PPP4R3A: variants seen among roughly 807,000 people sequenced by gnomAD.
PPP4R3A encodes the protein serine/threonine-protein phosphatase 4 regulatory subunit 3A.
Under a neutral mutation model 91.7 loss-of-function variants are expected in PPP4R3A, and 15 were observed. The ratio of observed to expected loss-of-function variants is 0.16; its 90% CI spans 0.11 to 0.25. The LOEUF (loss-of-function observed/expected upper bound fraction) is 0.25, where lower values mean the gene tolerates loss of function less well. Ranked by LOEUF, PPP4R3A falls within the 10% of genes least tolerant of loss-of-function variation. The pLI is 1.00. For missense variants in PPP4R3A, 623 were observed against 998.4 expected (o/e 0.62, Z 5.07); for synonymous variants, 377 against 348.7 (o/e 1.08, Z -0.91).
chr14:91,464,114 G>T (rs1389206358), intron 11 of PPP4R3A, among the ~76,000 whole-genome samples: 3 of 152,172 alleles, frequency 2.0e-5, no homozygotes, highest in African/African-American at 7.2e-5. Flanking sequence ...CCTGAGGTCA[G>T]GAGGTTGAGA....
At position 91,465,366 on chromosome 14, in the gene PPP4R3A, G is replaced by A. The variant is rs1400363234; in HGVS notation, c.1714C>T (p.Arg572Cys). ...AACAAAAAACTTTTCATTATGTAGC[G>A]GTTGTAAAACTCATCTTTTAATCCA... ...IIGLKDEFYNRYIMKSFLFEP... is the reference protein window; with the variant it reads ...IIGLKDEFYNCYIMKSFLFEP... The change falls in exon 11 of 15, where the codon CGC (arginine) becomes TGC (cysteine). Residue 572 changes from arginine to cysteine, a missense_variant. By Grantham distance (180) the Arg-to-Cys change is radical. Transcript: ENST00000554943. The A allele has an allele frequency of 6.2e-6, 10 of 1,605,146 alleles. No individual in the cohort carries two copies. The highest frequency in any genetic ancestry group is 7.6e-6 in the Non-Finnish European group (9 of 1,177,568).
At chr14:91,474,141 TA>T (rs1056449917) in intron 7 of PPP4R3A, among the ~76,000 whole-genome samples, 46 of 152,200 alleles carry the variant, frequency 3.0e-4, no homozygotes, top group African/African-American at 1.0e-3. Flanking sequence ...AAAAGTGATA[TA>T]AAATTTCCTT....
chr14:91,491,103 C>A, intron 1 of PPP4R3A, among the ~76,000 whole-genome samples: 1 of 151,908 alleles, frequency 6.6e-6, no homozygotes, highest in East Asian at 1.9e-4. Context: ...GACGGGGTTT[C>A]ACCATGTTGG....
intron 9 of PPP4R3A, 144 bp downstream of exon 9, chr14:91,472,889 T>C: frequency 1.4e-6 from 1 of 700,528 alleles, no homozygotes; most frequent in Non-Finnish European, 2.4e-6. Flanking sequence ...TGGTTTGAAC[T>C]TTTAAAGACT....
At position 91,458,806 on chromosome 14, in the gene PPP4R3A, TATCTTCATCCTC is replaced by T; in HGVS notation, c.2443_2454del (p.Glu815_Asp818del). 6.2e-7 allele frequency: 1 copy of T among 1,614,120 alleles called. No individual in the cohort carries two copies. Among genetic ancestry groups the T allele is most frequent in the Non-Finnish European group, 8.5e-7 (1 of 1,179,992 alleles). On this transcript the variant is annotated inframe_deletion, in exon 15 of 15. Coordinates refer to ENST00000554943, the MANE Select transcript of PPP4R3A (RefSeq NM_001366432.2). ...TTTGACAATGGTAACGTATCTTCCT[TATCTTCATCCTC>T]ATCATCATCTTCATCATCATCAGGA...
At chr14:91,463,485 A>G (rs1258367228) in intron 11 of PPP4R3A, among the ~76,000 whole-genome samples, 3 of 151,740 alleles carry the variant, frequency 2.0e-5, no homozygotes, top group Non-Finnish European at 4.4e-5. Flanking sequence ...CTAGGTTGAG[A>G]TATAGTGGTA....
intron 4 of PPP4R3A, among the ~76,000 whole-genome samples, chr14:91,480,438 G>A (rs995795233): frequency 7.2e-5 from 11 of 152,130 alleles, no homozygotes; most frequent in Non-Finnish European, 4.4e-5. Flanking sequence ...TTAGCAAAAC[G>A]TGGCTTTTGG....
At position 91,505,945 on chromosome 14, in the gene PPP4R3A, G is replaced by GA. The variant is rs1003714245; in HGVS notation, c.142+3560dup. Among the ~76,000 whole-genome samples, 858 of 137,116 alleles carry GA rather than the reference G, an allele frequency of 6.3e-3. 6 individuals are homozygous for GA. The highest frequency in any genetic ancestry group is 0.022 in the African/African-American group (807 of 36,528). 90.0% of individuals were successfully genotyped at this position (137,116 alleles called of 152,430 possible). A position where few individuals can be genotyped will look rare whatever the true frequency, so the allele number is the denominator to read the frequency against. On this transcript the variant is annotated intron_variant, in intron 1 of 14. Coordinates refer to ENST00000554943, the MANE Select transcript of PPP4R3A (RefSeq NM_001366432.2). ...TAAAGCTTGTAGATAAACTATAATT[G>GA]AAATTTTTTTTTTTTTTGAGACGGA...
At chr14:91,484,541 A>G (rs939417139) in intron 3 of PPP4R3A, among the ~76,000 whole-genome samples, 3 of 152,212 alleles carry the variant, frequency 2.0e-5, no homozygotes, top group Non-Finnish European at 4.4e-5. Context: ...AAAGCCTTAA[A>G]TATTTACTAT....
In PPP4R3A at chr14:91,509,703, C is replaced by A. The variant is rs779631779; in HGVS notation, c.-56G>T. The A allele has an allele frequency of 4.5e-6, 7 of 1,561,476 alleles. No homozygotes were observed. The highest frequency in any genetic ancestry group is 6.0e-6 in the Non-Finnish European group (7 of 1,161,702). Reference sequence around the variant, plus strand: ...CGCCAGTAGACGCCCAGGAAAGGGGCCCTGGAGAGGCGAGGGGCGAGGCGT... The same window carrying A: ...CGCCAGTAGACGCCCAGGAAAGGGGACCTGGAGAGGCGAGGGGCGAGGCGT... On this transcript the variant is annotated 5_prime_UTR_variant, in exon 1 of 15. Transcript: ENST00000554943.
chr14:91,504,861 A>G lies in PPP4R3A; in HGVS notation c.142+4645T>C, dbSNP rs527301153. Among the ~76,000 whole-genome samples, 210 of 152,262 alleles carry G rather than the reference A, an allele frequency of 1.4e-3. 2 individuals are homozygous for G. The highest frequency in any genetic ancestry group is 2.4e-3 in the Non-Finnish European group (162 of 68,018). Reference sequence around the variant, plus strand: ...TTCCATTTAGAAATTCTCTTCTGTGATTTTTAGACGAGCATATAAGCTCCC... The same window carrying G: ...TTCCATTTAGAAATTCTCTTCTGTGGTTTTTAGACGAGCATATAAGCTCCC... On this transcript the variant is annotated intron_variant, in intron 1 of 14. Transcript: ENST00000554943.
intron 1 of PPP4R3A, among the ~76,000 whole-genome samples, chr14:91,507,892 C>T (rs971801874): frequency 4.0e-5 from 6 of 151,866 alleles, no homozygotes; most frequent in East Asian, 1.9e-4. Flanking sequence ...GAGGCCGAGG[C>T]GGGTGGACTG....
At chr14:91,502,854 T>TA (rs1481936172) in intron 1 of PPP4R3A, among the ~76,000 whole-genome samples, 2 of 152,240 alleles carry the variant, frequency 1.3e-5, no homozygotes, top group East Asian at 3.8e-4. Flanking sequence ...AAATTCAAGG[T>TA]AAAAACTCAA....
At chr14:91,506,374 T>C (rs1454464995) in intron 1 of PPP4R3A, among the ~76,000 whole-genome samples, 9 of 152,196 alleles carry the variant, frequency 5.9e-5, no homozygotes. Flanking sequence ...AATCAGACAC[T>C]GTTGTAAGAA....
intron 2 of PPP4R3A, among the ~76,000 whole-genome samples, chr14:91,487,919 C>T (rs1290021309): frequency 6.6e-6 from 1 of 152,160 alleles, no homozygotes; most frequent in Admixed American, 6.5e-5. Flanking sequence ...TGCCATGTTG[C>T]CCAGGCTGGT....
rs546876776 is a variant in PPP4R3A at position 91,489,930 on chromosome 14, C to T, written c.198+817G>A. On this transcript the variant is annotated intron_variant, in intron 2 of 14. Transcript: ENST00000554943. ...AACAAGTCACGACCTTTACGCATCA[C>T]CCAATGGGAAAAATAAAAACAATAC... Among the ~76,000 whole-genome samples the T allele has an allele frequency of 1.7e-4, 26 of 152,268 alleles. No homozygotes were observed. In the South Asian group the frequency reaches 5.0e-3, roughly 29 times the overall value.
intron 4 of PPP4R3A, among the ~76,000 whole-genome samples, chr14:91,479,227 C>T (rs2140107823): frequency 6.6e-6 from 1 of 152,092 alleles, no homozygotes; most frequent in East Asian, 1.9e-4. Flanking sequence ...AAGTGATCCA[C>T]CCACCTCAGT....
At chr14:91,477,112 T>A in intron 4 of PPP4R3A, 126 bp from the exon 5 acceptor site, 6 of 422,014 alleles carry the variant, frequency 1.4e-5, no homozygotes, top group South Asian at 4.6e-5. Flanking sequence ...AATGCTGTCT[T>A]TTTTTTTTTT....
intron 14 of PPP4R3A, 65 bp downstream of exon 14, chr14:91,461,316 C>T (rs1431393270): frequency 1.4e-6 from 2 of 1,473,844 alleles, no homozygotes; most frequent in African/African-American, 2.8e-5. Flanking sequence ...GAATCTTAGT[C>T]AAAATTATTG....
Sources: allele counts gnomAD v4.1 joint callset (sites outside exome capture counted in the v4.1 genomes callset), GRCh38; gene constraint gnomAD v4.1.1; transcripts MANE v1.5; gene names NCBI Gene and HGNC (gene_info 2026-07-23, HGNC 2026-07-21).